The following GLS variants were observed in gnomAD, a reference collection of about 807,000 sequenced individuals.
GLS encodes glutaminase kidney isoform, mitochondrial.
In GLS, 36 loss-of-function variants were observed where a neutral mutation model predicts 86.7. The ratio of observed to expected loss-of-function variants is 0.42; its 90% CI spans 0.32 to 0.55. The LOEUF (loss-of-function observed/expected upper bound fraction) is 0.55. Ranked by LOEUF, GLS falls within the 20% of genes least tolerant of loss-of-function variation. GLS has a pLI of 0.17. For synonymous variants in GLS, 317 were observed against 305.9 expected (o/e 1.04, Z -0.38); for missense variants, 528 against 833.4 (o/e 0.63, Z 4.51).
At chr2:190,950,581 G>A (rs1690694264) in intron 14 of GLS, among the ~76,000 whole-genome samples, 1 of 152,250 alleles carries the variant, frequency 6.6e-6, no homozygotes, top group South Asian at 2.1e-4. Flanking sequence ...TCTCTGGCCA[G>A]AAGCAGAAGC....
intron 14 of GLS, chr2:190,934,900 C>T (rs1455263550): frequency 1.0e-6 from 1 of 978,482 alleles, no homozygotes; most frequent in African/African-American, 1.8e-5. Context: ...GGCCCTCAAA[C>T]TTAAAAAAGA....
In GLS at chr2:190,905,003, G is replaced by A; in HGVS notation, c.816-1G>A. The A allele has an allele frequency of 6.5e-7, 1 of 1,538,824 alleles. No homozygotes were observed. Among genetic ancestry groups the A allele is most frequent in the Non-Finnish European group, 8.9e-7 (1 of 1,118,770 alleles). ...TTTTTTAAAAATCTCCTTTTAAATA[G>A]GCATTCTACTGGAGATACCAAAGTT... On this transcript the variant is annotated splice_acceptor_variant, in intron 5 of 17. Transcript: ENST00000320717. LOFTEE classifies it high-confidence loss of function. This position sits in a 1 kb window ranked among gnomAD's most constrained non-coding sequence, Gnocchi z 4.6.
rs1691025148 is a variant in GLS, at chr2:190,962,441, A to G, written c.1854-389A>G. ...GTCAAAGGCTAGAGTGATGGATGTT[A>G]TATGCCTGAATTTTCTTTGAACATT... is the stretch of plus-strand genomic sequence containing the variant. On this transcript the variant is annotated intron_variant, in intron 17 of 17. Transcript: ENST00000320717. This position sits in a 1 kb window ranked among gnomAD's most constrained non-coding sequence, Gnocchi z 4.2. Among the ~76,000 whole-genome samples the G allele has an allele frequency of 6.6e-6, 1 of 152,218 alleles. No homozygotes were observed. The highest frequency in any genetic ancestry group is 2.1e-4 in the South Asian group (1 of 4,828).
rs995693962 is a variant in GLS at position 190,920,083 on chromosome 2, G to A, written c.1039-941G>A. On this transcript the variant is annotated intron_variant, in intron 7 of 17. Transcript: ENST00000320717. The surrounding 1 kb of genome is among the most constrained non-coding windows in gnomAD (Gnocchi z 4.2). ...TAAAGTACAATGTTTTGGGTTTTTT[G>A]AGGGTAAAGTAAAAGAAAATATGTT... The A allele has an allele frequency of 6.6e-6, 1 of 151,866 alleles. No homozygotes were observed. The highest frequency in any genetic ancestry group is 2.4e-5 in the African/African-American group (1 of 41,406). 9.4% of individuals were successfully genotyped at this position (151,866 alleles called of 1,614,324 possible).
At position 190,880,901 on chromosome 2, in the gene GLS, C is replaced by T. The variant is rs1311188795; in HGVS notation, c.-184C>T. The T allele has an allele frequency of 1.1e-6, 1 of 919,964 alleles. No individual in the cohort carries two copies. The highest frequency in any genetic ancestry group is 2.9e-5 in the East Asian group (1 of 34,094). 57.0% of individuals were successfully genotyped at this position (919,964 alleles called of 1,614,324 possible). On this transcript the variant is annotated 5_prime_UTR_variant, in exon 1 of 18. Transcript: ENST00000320717. ...GCAGCAGCAGCAGCAGCAGCAGCAG[C>T]AGCAGCAGCAGCAGCAGCACCCGCA...
chr2:190,924,575 AT>A lies in GLS; in HGVS notation c.1232del (p.Leu411Ter). 6.4e-7 allele frequency: 1 copy of A among 1,568,064 alleles called. No homozygotes were observed. Among genetic ancestry groups the A allele is most frequent in the Non-Finnish European group, 8.8e-7 (1 of 1,138,188 alleles). On this transcript the variant is annotated frameshift_variant, in exon 11 of 18. Transcript: ENST00000320717. LOFTEE classifies it high-confidence loss of function. This position sits in a 1 kb window ranked among gnomAD's most constrained non-coding sequence, Gnocchi z 5.2. ...CAGAAGGCACAGACATGGTTGGTAT[AT>A]TAGACTTCTACTTCCAGGTAATCTA... ...FPEGTDMVGI[L>X]DFYFQLCSIE...
chr2:190,926,907 C>T (rs1689913706), intron 11 of GLS: 1 of 156,068 alleles, frequency 6.4e-6, no homozygotes, highest in Non-Finnish European at 1.4e-5. Flanking sequence ...TCATAATCTT[C>T]ATGTATGGTG....
chr2:190,895,060 C>T lies in GLS; in HGVS notation c.387-92C>T. Reference sequence around the variant, plus strand: ...TTGAGTATATGAGCTCAGCTGTAGTCTAGTTTAGTGGTTATTTAACAATGG... The same window carrying T: ...TTGAGTATATGAGCTCAGCTGTAGTTTAGTTTAGTGGTTATTTAACAATGG... On this transcript the variant is annotated intron_variant, in intron 1 of 17. Coordinates refer to ENST00000320717, the MANE Select transcript of GLS (RefSeq NM_014905.5). The surrounding 1 kb of genome is among the most constrained non-coding windows in gnomAD (Gnocchi z 4.2). 1 of 629,920 alleles carries T rather than the reference C, an allele frequency of 1.6e-6. No individual in the cohort carries two copies. Among genetic ancestry groups the T allele is most frequent in the Non-Finnish European group, 2.9e-6 (1 of 344,226 alleles). 39.0% of individuals were successfully genotyped at this position (629,920 alleles called of 1,614,324 possible).
chr2:190,885,869 TTTTA>T (rs201864563), intron 1 of GLS, among the ~76,000 whole-genome samples: 5,907 of 151,594 alleles, frequency 0.039, 136 homozygotes, highest in South Asian at 0.091. Context: ...TAAATTTTAT[TTTTA>T]TTTATTTATT....
chr2:190,923,899 T>C lies in GLS; in HGVS notation c.1131-18T>C. 1 of 1,503,684 alleles carries C rather than the reference T, an allele frequency of 6.7e-7. No homozygotes were observed. Among genetic ancestry groups the C allele is most frequent in the Non-Finnish European group, 9.2e-7 (1 of 1,088,644 alleles). 93.1% of individuals were successfully genotyped at this position (1,503,684 alleles called of 1,614,324 possible). The stretch of plus-strand genomic sequence containing the variant: ...TAAAGAAAGTACATAGAGCAAATGT[T>C]TTTTTTTCTTCTTCCAGGTTTCAGT... On this transcript the variant is annotated intron_variant, in intron 9 of 17. Transcript: ENST00000320717.
Position 190,965,176 on chromosome 2 carries a change from T to C in GLS, c.*2190T>C, listed in dbSNP as rs915465134. The C allele has an allele frequency of 2.0e-5, 3 of 152,638 alleles. No homozygotes were observed. The highest frequency in any genetic ancestry group is 7.2e-5 in the African/African-American group (3 of 41,452). The allele number at this position is 152,638 out of a possible 1,614,324, so 9.5% of individuals were successfully genotyped here. A position where few individuals can be genotyped will look rare whatever the true frequency, so the allele number is the denominator to read the frequency against. ...TTGGCTTTAGTATCATATGTGCTTT[T>C]TCTGTATCCTGAGCGCTCTATATGA... is the stretch of plus-strand genomic sequence containing the variant. On this transcript the variant is annotated 3_prime_UTR_variant, in exon 18 of 18. Transcript: ENST00000320717. This position sits in a 1 kb window ranked among gnomAD's most constrained non-coding sequence, Gnocchi z 5.0.
intron 12 of GLS, among the ~76,000 whole-genome samples, chr2:190,929,698 G>A (rs1213071963): frequency 6.6e-6 from 1 of 152,018 alleles, no homozygotes; most frequent in Non-Finnish European, 1.5e-5. Flanking sequence ...TTGAACTCCT[G>A]ACCTCAGGTG....
rs554070719 is a variant in GLS, at chr2:190,889,206, T to G, written c.387-5946T>G. Among the ~76,000 whole-genome samples, 4 of 152,336 alleles carry G rather than the reference T, an allele frequency of 2.6e-5. No homozygotes were observed. In the East Asian group the frequency reaches 7.7e-4, roughly 29 times the overall value. On this transcript the variant is annotated intron_variant, in intron 1 of 17. Coordinates refer to ENST00000320717, the MANE Select transcript of GLS (RefSeq NM_014905.5). Reference sequence around the variant, plus strand: ...ATGACCTAAACAAGTTCAGACAGTATTAGGACTTGTTTTGATTTTTTATTT... The same window carrying G: ...ATGACCTAAACAAGTTCAGACAGTAGTAGGACTTGTTTTGATTTTTTATTT...
chr2:190,892,713 A>C (rs187196114), intron 1 of GLS, among the ~76,000 whole-genome samples: 1 of 152,268 alleles, frequency 6.6e-6, no homozygotes, highest in East Asian at 1.9e-4. Flanking sequence ...TGTTGAAGCG[A>C]ATTCATTCTC....
chr2:190,910,333 A>T lies in GLS; in HGVS notation c.1038+12A>T. Reference sequence around the variant, plus strand: ...CTTCACTAATAAAGGTAAAATGTTGATGTTTCATTTTAACCTAGTAAAACT... The same window carrying T: ...CTTCACTAATAAAGGTAAAATGTTGTTGTTTCATTTTAACCTAGTAAAACT... On this transcript the variant is annotated intron_variant, in intron 7 of 17. Transcript: ENST00000320717. 6.7e-7 allele frequency: 1 copy of T among 1,503,228 alleles called. No individual in the cohort carries two copies. The highest frequency in any genetic ancestry group is 9.2e-7 in the Non-Finnish European group (1 of 1,087,728). The allele number at this position is 1,503,228 out of a possible 1,614,324, so 93.1% of individuals were successfully genotyped here.
chr2:190,931,747 T>C, intron 14 of GLS, 110 bp downstream of exon 14: 1 of 549,348 alleles, frequency 1.8e-6, no homozygotes, highest in Non-Finnish European at 3.3e-6. Flanking sequence ...GGGTCTTTGC[T>C]AATCATAAAT....
At chr2:190,912,756 T>C (rs1689405921) in intron 7 of GLS, among the ~76,000 whole-genome samples, 1 of 152,214 alleles carries the variant, frequency 6.6e-6, no homozygotes, top group South Asian at 2.1e-4. Context: ...TTTCTCTTGA[T>C]GACATCTTTA....
chr2:190,921,868 A>G lies in GLS; in HGVS notation c.1130+665A>G, dbSNP rs1689749323. 6.6e-6 allele frequency among the ~76,000 whole-genome samples: 1 copy of G among 152,072 alleles called. No individual in the cohort carries two copies. The highest frequency in any genetic ancestry group is 2.4e-5 in the African/African-American group (1 of 41,426). On this transcript the variant is annotated intron_variant, in intron 9 of 17. Transcript: ENST00000320717. This position sits in a 1 kb window ranked among gnomAD's most constrained non-coding sequence, Gnocchi z 4.2. ...TGTAAATGTCCCCATCTCTTCCCCA[A>G]ATGTCTTTTACAACTTTTATTATTA... is the stretch of plus-strand genomic sequence containing the variant.
intron 14 of GLS, among the ~76,000 whole-genome samples, chr2:190,940,685 G>T (rs1320141709): frequency 6.6e-6 from 1 of 151,200 alleles, no homozygotes; most frequent in Non-Finnish European, 1.5e-5. Flanking sequence ...GGATTCTTCT[G>T]GCTTCCTGGT....
Sources: allele counts gnomAD v4.1 joint callset (sites outside exome capture counted in the v4.1 genomes callset), GRCh38; gene constraint gnomAD v4.1.1; non-coding constraint Gnocchi (gnomAD v3.1); transcripts MANE v1.5; gene names NCBI Gene and HGNC (gene_info 2026-07-23, HGNC 2026-07-21).